NUAK1: variants seen among roughly 807,000 people sequenced by gnomAD.
NUAK1 encodes the protein NUAK family kinase 1, also known as NUAK family SNF1-like kinase 1.
NUAK1 carries 26 observed loss-of-function variants against 56.9 expected under a neutral mutation model. The ratio of observed to expected loss-of-function variants is 0.46; its 90% CI spans 0.33 to 0.63. NUAK1 has a LOEUF of 0.63. Among genes scored for constraint, NUAK1 ranks in the 30% least tolerant of loss-of-function variants. NUAK1 has a pLI of 0.02. For synonymous variants in NUAK1, 337 were observed against 336.0 expected (o/e 1.00, Z -0.03); for missense variants, 727 against 876.1 (o/e 0.83, Z 2.15).
intron 4 of NUAK1, among the ~76,000 whole-genome samples, chr12:106,077,151 T>C (rs1004787397): frequency 6.6e-5 from 10 of 152,170 alleles, no homozygotes; most frequent in Non-Finnish European, 1.5e-4. Context: ...GGTCTAACAG[T>C]CATCTGCAGT....
chr12:106,074,698 G>C (rs1484052149), intron 4 of NUAK1, among the ~76,000 whole-genome samples: 1 of 152,114 alleles, frequency 6.6e-6, no homozygotes. Context: ...CACATGCCCA[G>C]AGAGAGCCCA....
chr12:106,071,006 AG>A (rs111313492), intron 5 of NUAK1, 100 bp from the exon 6 acceptor site: 1 of 1,326,180 alleles, frequency 7.5e-7, no homozygotes. Flanking sequence ...CACCCCCAGC[AG>A]CCCCAGGAAC....
At chr12:106,122,488 T>C (rs1385481045) in intron 1 of NUAK1, among the ~76,000 whole-genome samples, 1 of 152,242 alleles carries the variant, frequency 6.6e-6, no homozygotes, top group African/African-American at 2.4e-5. Context: ...ATGCTTAGAC[T>C]ATCGCCTGGC....
chr12:106,097,737 TG>T (rs2032709324), intron 2 of NUAK1, among the ~76,000 whole-genome samples: 1 of 152,142 alleles, frequency 6.6e-6, no homozygotes, highest in Non-Finnish European at 1.5e-5. Context: ...TCTAGTACAG[TG>T]GGGTTGTCAA....
intron 4 of NUAK1, among the ~76,000 whole-genome samples, chr12:106,077,154 T>C (rs74682327): frequency 0.018 from 2,669 of 152,290 alleles, 39 homozygotes; most frequent in Non-Finnish European, 0.028. Context: ...CTAACAGTCA[T>C]CTGCAGTGTT....
intron 1 of NUAK1, among the ~76,000 whole-genome samples, chr12:106,108,170 T>C (rs2032822345): frequency 1.3e-5 from 2 of 151,074 alleles, no homozygotes; most frequent in African/African-American, 4.9e-5. Context: ...GTAGCAGAAC[T>C]GGGGAAAAAA....
chr12:106,138,733 G>A lies in NUAK1; in HGVS notation c.-80C>T. 1.4e-6 allele frequency: 2 copies of A among 1,423,750 alleles called. No homozygotes were observed. The highest frequency in any genetic ancestry group is 3.0e-5 in the South Asian group (2 of 66,150). 88.2% of individuals were successfully genotyped at this position (1,423,750 alleles called of 1,614,324 possible). ...GATGTCGGGGTCCCCACCGAGGGAA[G>A]CCGCTGTACGCTCAAGGTCGCCCCC... On this transcript the variant is annotated 5_prime_UTR_variant, in exon 1 of 7. Coordinates refer to ENST00000261402, the MANE Select transcript of NUAK1 (RefSeq NM_014840.3). This position sits in a 1 kb window ranked among gnomAD's most constrained non-coding sequence, Gnocchi z 5.0.
chr12:106,089,303 G>A (rs567921602), intron 2 of NUAK1, among the ~76,000 whole-genome samples: 2 of 152,358 alleles, frequency 1.3e-5, no homozygotes, highest in South Asian at 4.1e-4. Context: ...GCCCTTCAGC[G>A]ACTGTCGGGA....
At chr12:106,101,703 A>G (rs1032000070) in intron 2 of NUAK1, among the ~76,000 whole-genome samples, 1 of 152,236 alleles carries the variant, frequency 6.6e-6, no homozygotes, top group Non-Finnish European at 1.5e-5. Context: ...TAATACATCC[A>G]GCAAGTCATT....
rs1294580266 is a variant in NUAK1 at position 106,138,461 on chromosome 12, T to A, written c.193A>T (p.Thr65Ser). 4 of 1,613,236 alleles carry A rather than the reference T, an allele frequency of 2.5e-6. No homozygotes were observed. In the South Asian group the frequency reaches 3.3e-5, roughly 13 times the overall value. ...GTGGCCCGCTTGACTTTGCCGTAGG[T>A]GCCTTTGCCCAGGGTCTCCTGCAGC... is the stretch of plus-strand genomic sequence containing the variant. ...YELQETLGKG[T>S]YGKVKRATER... is the part of the protein sequence containing the mutation. Residue 65 changes from threonine to serine, a missense_variant, in exon 1 of 7, where the codon ACC (threonine) becomes TCC (serine). Physicochemically the swap from Thr to Ser is moderately conservative, Grantham distance 58. Transcript: ENST00000261402. This position sits in a 1 kb window ranked among gnomAD's most constrained non-coding sequence, Gnocchi z 5.0.
At chr12:106,073,416 G>A (rs934032610) in intron 4 of NUAK1, among the ~76,000 whole-genome samples, 7 of 152,072 alleles carry the variant, frequency 4.6e-5, no homozygotes, top group African/African-American at 1.7e-4. Flanking sequence ...ACAGCATTGG[G>A]TTTTGAGTCA....
At position 106,064,206 on chromosome 12, in the gene NUAK1, T is replaced by C. The variant is rs2136452947; in HGVS notation, c.*2596A>G. ...TGGTAGGGATGACAGGACTTAATGA[T>C]GAAGCAGGGAGCTGCTTTAATGGCT... On this transcript the variant is annotated 3_prime_UTR_variant, in exon 7 of 7. Transcript: ENST00000261402. The C allele has an allele frequency of 6.6e-6, 1 of 152,642 alleles. No homozygotes were observed. Among genetic ancestry groups the C allele is most frequent in the South Asian group, 2.1e-4 (1 of 4,832 alleles). 9.5% of individuals were successfully genotyped at this position (152,642 alleles called of 1,614,324 possible).
intron 4 of NUAK1, among the ~76,000 whole-genome samples, chr12:106,075,792 A>C (rs541738702): frequency 1.3e-5 from 2 of 152,386 alleles, no homozygotes; most frequent in South Asian, 4.1e-4. Flanking sequence ...GATTAAGTCA[A>C]GAAGAAGGTC....
intron 1 of NUAK1, among the ~76,000 whole-genome samples, chr12:106,109,719 G>A (rs2032839663): frequency 6.6e-6 from 1 of 152,062 alleles, no homozygotes; most frequent in Admixed American, 6.5e-5. Flanking sequence ...GTGTGACCCT[G>A]GGCAGGTTAC....
intron 2 of NUAK1, among the ~76,000 whole-genome samples, chr12:106,093,971 G>C (rs912743506): frequency 7.0e-6 from 1 of 143,426 alleles, no homozygotes; most frequent in Non-Finnish European, 1.6e-5. Context: ...GCTAATCTTT[G>C]TAATTTTTTT....
rs775166206 is a variant in NUAK1 at position 106,072,707 on chromosome 12, T to C, written c.699+17A>G. The C allele has an allele frequency of 1.2e-5, 19 of 1,598,044 alleles. No homozygotes were observed. Among genetic ancestry groups the C allele is most frequent in the South Asian group, 3.3e-5 (3 of 90,716 alleles). ...CCTCCCCTCCCCTGCCCCATACACATTGGGAAAGCTGCTCACCTCTGGCCC... is the reference window on the plus strand; with the variant it reads ...CCTCCCCTCCCCTGCCCCATACACACTGGGAAAGCTGCTCACCTCTGGCCC... On this transcript the variant is annotated intron_variant, in intron 5 of 6. Coordinates refer to ENST00000261402, the MANE Select transcript of NUAK1 (RefSeq NM_014840.3).
At position 106,110,176 on chromosome 12, in the gene NUAK1, C is replaced by T. The variant is rs118189539; in HGVS notation, c.241-3651G>A. 9.8e-3 allele frequency among the ~76,000 whole-genome samples: 1,491 copies of T among 152,226 alleles called. 10 individuals are homozygous for T. The highest frequency in any genetic ancestry group is 0.027 in the Middle Eastern group (8 of 294). On this transcript the variant is annotated intron_variant, in intron 1 of 6. Transcript: ENST00000261402. ...GCAATCCCAGGAGCATTTCTCCACC[C>T]GCTCCCACACTGTCTCCTTTCACCA...
At chr12:106,091,994 G>C (rs2032639851) in intron 2 of NUAK1, among the ~76,000 whole-genome samples, 1 of 151,960 alleles carries the variant, frequency 6.6e-6, no homozygotes, top group South Asian at 2.1e-4. Context: ...CTGGGAGTTT[G>C]AGACCAACCT....
At position 106,109,316 on chromosome 12, in the gene NUAK1, G is replaced by A. The variant is rs143731106; in HGVS notation, c.241-2791C>T. On this transcript the variant is annotated intron_variant, in intron 1 of 6. Coordinates refer to ENST00000261402, the MANE Select transcript of NUAK1 (RefSeq NM_014840.3). ...CCGTGCTGAATGCTTTACATGCCAGGGATCTTTGCACCCTTCTCATTTAAG... is the reference window on the plus strand; with the variant it reads ...CCGTGCTGAATGCTTTACATGCCAGAGATCTTTGCACCCTTCTCATTTAAG... 1.1e-4 allele frequency among the ~76,000 whole-genome samples: 16 copies of A among 152,222 alleles called. No homozygotes were observed. In the East Asian group the frequency reaches 3.1e-3, roughly 29 times the overall value.
Sources: gnomAD v4.1 joint callset for allele counts (sites outside exome capture counted in the v4.1 genomes callset) on GRCh38, gnomAD v4.1.1 for gene constraint, Gnocchi (gnomAD v3.1) non-coding constraint, MANE v1.5 for transcripts, NCBI Gene and HGNC (gene_info 2026-07-23, HGNC 2026-07-21) for gene names.